CDH8: variants seen among roughly 807,000 people sequenced by gnomAD.
CDH8 encodes cadherin 8.
CDH8 carries 17 observed loss-of-function variants against 68.1 expected under a neutral mutation model. The observed-to-expected ratio is 0.25, with a 90% CI of 0.17 to 0.37. The LOEUF (loss-of-function observed/expected upper bound fraction) is 0.37. Ranked by LOEUF, CDH8 falls within the 10% of genes least tolerant of loss-of-function variation. The pLI is 1.00. For missense variants in CDH8, 763 were observed against 999.3 expected, an observed-to-expected ratio of 0.76 and a Z score of 3.19; for synonymous variants, 372 against 365.1, an observed-to-expected ratio of 1.02 and a Z score of -0.21.
At chr16:61,761,530 C>A (rs1422509500) in intron 8 of CDH8, among the ~76,000 whole-genome samples, 3 of 152,102 alleles carry the variant, frequency 2.0e-5, no homozygotes, top group African/African-American at 7.2e-5. Context: ...TAATGGTAGG[C>A]AGAGTATAAA....
At chr16:61,722,297 A>G (rs1959226797) in intron 9 of CDH8, among the ~76,000 whole-genome samples, 1 of 150,826 alleles carries the variant, frequency 6.6e-6, no homozygotes. Context: ...ATTTAAAATC[A>G]AAAATTTATT....
intron 8 of CDH8, among the ~76,000 whole-genome samples, chr16:61,740,064 C>T (rs1596919559): frequency 1.3e-5 from 2 of 151,354 alleles, no homozygotes; most frequent in South Asian, 2.1e-4. Context: ...CATGCCACCA[C>T]GCCCGGCTAA....
chr16:61,674,967 T>C (rs1347118229), intron 10 of CDH8, among the ~76,000 whole-genome samples: 1 of 147,422 alleles, frequency 6.8e-6, no homozygotes. Flanking sequence ...ACAAAAAAAC[T>C]ATGAGACAAT....
intron 3 of CDH8, among the ~76,000 whole-genome samples, chr16:61,871,152 A>G (rs1963351548): frequency 6.6e-6 from 1 of 151,946 alleles, no homozygotes; most frequent in South Asian, 2.1e-4. Context: ...ACACACATAC[A>G]CACACATACA....
rs534377140 is a variant in CDH8, at chr16:61,914,056, TA to T, written c.253-12584del. On this transcript the variant is annotated intron_variant, in intron 2 of 11. Transcript: ENST00000577390. ...TGACTGGTGTCTTTATAAGAAGAGGTAATTTGGACCCATATAGAGAGAGCAG... is the reference window on the plus strand; with the variant it reads ...TGACTGGTGTCTTTATAAGAAGAGGTATTTGGACCCATATAGAGAGAGCAG... 9.2e-5 allele frequency among the ~76,000 whole-genome samples: 14 copies of T among 152,090 alleles called. No individual in the cohort carries two copies. In the South Asian group the frequency reaches 2.9e-3, roughly 32 times the overall value.
chr16:61,874,559 C>T (rs1963427963), intron 3 of CDH8, among the ~76,000 whole-genome samples: 1 of 152,034 alleles, frequency 6.6e-6, no homozygotes, highest in Non-Finnish European at 1.5e-5. Context: ...TCTCAATCTC[C>T]TGACCTCGTG....
intron 10 of CDH8, among the ~76,000 whole-genome samples, chr16:61,703,091 A>C (rs557066061): frequency 6.6e-6 from 1 of 152,300 alleles, no homozygotes; most frequent in South Asian, 2.1e-4. Context: ...AAAATCATAG[A>C]TATGTAAACA....
rs574655550 is a variant in CDH8, at chr16:61,876,170, C to T, written c.548-18932G>A. On this transcript the variant is annotated intron_variant, in intron 3 of 11. Transcript: ENST00000577390. ...AATTACAGGTGTGAGCCACTGTGCCCGGCCAGGTTTTCTTTCTTTAGGATG... is the reference window on the plus strand; with the variant it reads ...AATTACAGGTGTGAGCCACTGTGCCTGGCCAGGTTTTCTTTCTTTAGGATG... Among the ~76,000 whole-genome samples the T allele has an allele frequency of 1.9e-4, 29 of 152,170 alleles. No individual in the cohort carries two copies. In the East Asian group the frequency reaches 5.2e-3, roughly 27 times the overall value.
At chr16:61,682,201 G>C (rs530074596) in intron 10 of CDH8, among the ~76,000 whole-genome samples, 2 of 151,992 alleles carry the variant, frequency 1.3e-5, no homozygotes. Flanking sequence ...AGTCATTGAA[G>C]ATTGAAAACA....
chr16:61,988,234 T>C (rs895780935), intron 2 of CDH8, among the ~76,000 whole-genome samples: 1 of 112,836 alleles, frequency 8.9e-6, no homozygotes, highest in Non-Finnish European at 2.3e-5. Context: ...ACACAAAGCC[T>C]AATGCAGTGC....
At chr16:61,866,301 G>A (rs1963252091) in intron 3 of CDH8, among the ~76,000 whole-genome samples, 1 of 151,876 alleles carries the variant, frequency 6.6e-6, no homozygotes, top group Admixed American at 6.6e-5. Context: ...ATGGCTATTT[G>A]CACAGTATAT....
chr16:61,733,485 A>C (rs991336166), intron 8 of CDH8, among the ~76,000 whole-genome samples: 1 of 151,926 alleles, frequency 6.6e-6, no homozygotes, highest in Non-Finnish European at 1.5e-5. Context: ...AAAAAAATAT[A>C]TTGTGCTTCA....
At chr16:61,824,503 C>T (rs182549603) in intron 5 of CDH8, among the ~76,000 whole-genome samples, 10 of 151,922 alleles carry the variant, frequency 6.6e-5, no homozygotes, top group East Asian at 3.9e-4. Context: ...CTAGAATGCA[C>T]GCTGTTGAAA....
At chr16:61,810,085 C>G (rs1018077417) in intron 7 of CDH8, among the ~76,000 whole-genome samples, 5 of 152,172 alleles carry the variant, frequency 3.3e-5, no homozygotes, top group African/African-American at 1.2e-4. Context: ...TAGGAAGATA[C>G]AATTGTGAGC....
intron 8 of CDH8, among the ~76,000 whole-genome samples, chr16:61,741,266 T>C (rs1407742909): frequency 6.6e-6 from 1 of 152,182 alleles, no homozygotes; most frequent in Non-Finnish European, 1.5e-5. Context: ...TTGATATGCC[T>C]ACACTATATT....
intron 3 of CDH8, among the ~76,000 whole-genome samples, chr16:61,884,178 C>T (rs551759725): frequency 1.4e-4 from 22 of 152,136 alleles, no homozygotes; most frequent in African/African-American, 5.3e-4. Flanking sequence ...CTTTGAGCAA[C>T]ACAGATTTGA....
At chr16:61,956,333 C>G (rs1964989457) in intron 2 of CDH8, among the ~76,000 whole-genome samples, 1 of 152,062 alleles carries the variant, frequency 6.6e-6, no homozygotes, top group Non-Finnish European at 1.5e-5. Flanking sequence ...GGCAAGACAA[C>G]CTTTGAAAAA....
At chr16:61,721,518 C>A (rs1032623340) in intron 9 of CDH8, among the ~76,000 whole-genome samples, 1 of 150,764 alleles carries the variant, frequency 6.6e-6, no homozygotes, top group African/African-American at 2.4e-5. Context: ...AAGTATCAAA[C>A]CCATTCATTG....
At chr16:62,029,580 C>A (rs1020238352) in intron 1 of CDH8, among the ~76,000 whole-genome samples, 1 of 152,196 alleles carries the variant, frequency 6.6e-6, no homozygotes, top group Non-Finnish European at 1.5e-5. Flanking sequence ...TTGTCCATGA[C>A]TATTTTCTGC....
Sources: allele counts gnomAD v4.1 joint callset (sites outside exome capture counted in the v4.1 genomes callset), GRCh38; gene constraint gnomAD v4.1.1; transcripts MANE v1.5; gene names NCBI Gene and HGNC (gene_info 2026-07-23, HGNC 2026-07-21).